Variants in PRKCB observed in about 807,000 individuals in gnomAD.
PRKCB encodes protein kinase C beta, also known as protein kinase C beta type.
Under a neutral mutation model 81.5 loss-of-function variants are expected in PRKCB, and 13 were observed. That is an observed-to-expected ratio of 0.16 (90% CI 0.10 to 0.25). PRKCB has a LOEUF of 0.25. PRKCB is among the 10% of genes least tolerant of loss of function. PRKCB has a pLI of 1.00. For missense variants in PRKCB, 509 were observed against 875.7 expected, an observed-to-expected ratio of 0.58 and a Z score of 5.29; for synonymous variants, 335 against 321.4, an observed-to-expected ratio of 1.04 and a Z score of -0.45.
chr16:24,043,073 G>A (rs1342642947), intron 5 of PRKCB, among the ~76,000 whole-genome samples: 1 of 152,126 alleles, frequency 6.6e-6, no homozygotes, highest in Non-Finnish European at 1.5e-5. Context: ...TTTGACAAAT[G>A]CATATGACTG....
At chr16:23,908,026 G>A (rs192630845) in intron 2 of PRKCB, among the ~76,000 whole-genome samples, 11 of 152,188 alleles carry the variant, frequency 7.2e-5, no homozygotes, top group African/African-American at 1.2e-4. Flanking sequence ...GTGTCTATTC[G>A]GAGATTTGGG....
At chr16:24,109,961 C>T (rs1460657748) in intron 7 of PRKCB, among the ~76,000 whole-genome samples, 8 of 126,090 alleles carry the variant, frequency 6.3e-5, no homozygotes, top group African/African-American at 1.1e-4. Context: ...TCAGGCGTGG[C>T]GGCACGAGTC....
intron 5 of PRKCB, among the ~76,000 whole-genome samples, chr16:24,037,129 C>T (rs1420345194): frequency 6.6e-6 from 1 of 152,110 alleles, no homozygotes; most frequent in Non-Finnish European, 1.5e-5. Context: ...GCTGGGATTA[C>T]AGGCGCCCAC....
chr16:24,175,148 A>G (rs1344719693), intron 12 of PRKCB, among the ~76,000 whole-genome samples: 2 of 152,056 alleles, frequency 1.3e-5, no homozygotes, highest in Non-Finnish European at 2.9e-5. Context: ...ATTGCACCCG[A>G]GGCTGCTATT....
At chr16:23,994,115 G>T (rs562094088) in intron 3 of PRKCB, among the ~76,000 whole-genome samples, 44 of 152,284 alleles carry the variant, frequency 2.9e-4, no homozygotes, top group African/African-American at 9.1e-4. Context: ...TTTTTATCAG[G>T]ATAACTGTGC....
chr16:24,215,716 T>C lies in PRKCB; in HGVS notation c.*900T>C, dbSNP rs1968217615. 1.0e-6 allele frequency: 1 copy of C among 985,684 alleles called. No individual in the cohort carries two copies. The highest frequency in any genetic ancestry group is 4.7e-5 in the South Asian group (1 of 21,278). The allele number at this position is 985,684 out of a possible 1,614,324, so 61.1% of individuals were successfully genotyped here. A position where few individuals can be genotyped will look rare whatever the true frequency, so the allele number is the denominator to read the frequency against. ...CTTTAAAATATGTATTCAAATGTTA[T>C]TAACCACAATGACGACCTGCTTTGA... On this transcript the variant is annotated 3_prime_UTR_variant, in exon 17 of 17. Transcript: ENST00000643927.
Position 24,216,989 on chromosome 16 carries a change from G to A in PRKCB, c.*2173G>A, listed in dbSNP as rs1187168581. ...GTTGGATCATGATCCCATTTTGCTTGGACATGCTCTCAGGAAGATAAAAAC... is the reference window on the plus strand; with the variant it reads ...GTTGGATCATGATCCCATTTTGCTTAGACATGCTCTCAGGAAGATAAAAAC... On this transcript the variant is annotated 3_prime_UTR_variant, in exon 17 of 17. Transcript: ENST00000643927. 12 of 985,290 alleles carry A rather than the reference G, an allele frequency of 1.2e-5. No homozygotes were observed. The highest frequency in any genetic ancestry group is 1.3e-5 in the Non-Finnish European group (11 of 829,932). 61.0% of individuals were successfully genotyped at this position (985,290 alleles called of 1,614,324 possible). A position where few individuals can be genotyped will look rare whatever the true frequency, so the allele number is the denominator to read the frequency against.
chr16:24,216,842 A>T lies in PRKCB; in HGVS notation c.*2026A>T. 3 of 985,498 alleles carry T rather than the reference A, an allele frequency of 3.0e-6. No individual in the cohort carries two copies. Among genetic ancestry groups the T allele is most frequent in the Non-Finnish European group, 3.6e-6 (3 of 829,968 alleles). The allele number at this position is 985,498 out of a possible 1,614,324, so 61.0% of individuals were successfully genotyped here. On this transcript the variant is annotated 3_prime_UTR_variant, in exon 17 of 17. Coordinates refer to ENST00000643927, the MANE Select transcript of PRKCB (RefSeq NM_002738.7). ...TCTGGAAAGAGGAAGGAATTTGCCC[A>T]AAGTCAGTCAGCTGGGATAAAAACC...
chr16:24,116,118 G>A (rs1219831832), intron 8 of PRKCB, among the ~76,000 whole-genome samples: 2 of 152,142 alleles, frequency 1.3e-5, no homozygotes, highest in African/African-American at 4.8e-5. Flanking sequence ...GAGTTCTAGG[G>A]CTCTAAATTG....
intron 2 of PRKCB, among the ~76,000 whole-genome samples, chr16:23,935,454 T>G (rs1296936257): frequency 1.3e-5 from 2 of 152,182 alleles, no homozygotes; most frequent in East Asian, 3.8e-4. Context: ...CTAATGGGCA[T>G]GCTTTGAGAA....
intron 5 of PRKCB, among the ~76,000 whole-genome samples, chr16:24,059,328 T>A (rs1046174039): frequency 6.6e-6 from 1 of 152,070 alleles, no homozygotes; most frequent in African/African-American, 2.4e-5. Flanking sequence ...CAGTCATCAG[T>A]GGAGCAAGAG....
At chr16:23,860,965 G>C (rs1158254595) in intron 2 of PRKCB, among the ~76,000 whole-genome samples, 2 of 151,950 alleles carry the variant, frequency 1.3e-5, no homozygotes, top group East Asian at 3.9e-4. Context: ...GTCTTAGTTT[G>C]GTGCTATCAT....
Position 24,180,838 on chromosome 16 carries a change from G to T in PRKCB, c.1443G>T (p.Lys481Asn). Residue 481 changes from lysine to asparagine, a missense_variant, in exon 13 of 17, where the codon AAG (lysine) becomes AAT (asparagine). Lys to Asn is a moderately conservative substitution (Grantham distance 94). This residue lies in a region of PRKCB where 106 missense variants were observed against 214.0 expected (regional missense o/e 0.50). Transcript: ENST00000643927. ...TGCTCGATTCTGAGGGACACATCAA[G>T]ATTGCCGATTTTGGCATGTGTAAGG... ...NVMLDSEGHI[K>N]IADFGMCKEN... The T allele has an allele frequency of 6.2e-7, 1 of 1,614,206 alleles. No individual in the cohort carries two copies. The highest frequency in any genetic ancestry group is 8.5e-7 in the Non-Finnish European group (1 of 1,180,028).
At chr16:24,115,100 G>A (rs1308975733) in intron 8 of PRKCB, among the ~76,000 whole-genome samples, 2 of 152,224 alleles carry the variant, frequency 1.3e-5, no homozygotes, top group Admixed American at 1.3e-4. Context: ...AGACCAGCCT[G>A]GGTAGAGCAG....
At chr16:23,911,244 C>T (rs138418413) in intron 2 of PRKCB, among the ~76,000 whole-genome samples, 223 of 145,222 alleles carry the variant, frequency 1.5e-3, no homozygotes, top group Middle Eastern at 3.6e-3. Flanking sequence ...TCTTCCACCT[C>T]AGCTTCCCAG....
intron 2 of PRKCB, among the ~76,000 whole-genome samples, chr16:23,872,903 C>A (rs1962929356): frequency 6.6e-6 from 1 of 151,688 alleles, no homozygotes; most frequent in Non-Finnish European, 1.5e-5. Context: ...CTTGGCCCGG[C>A]GTGGTGTCTC....
chr16:23,935,081 T>C (rs184094218), intron 2 of PRKCB, among the ~76,000 whole-genome samples: 12 of 152,232 alleles, frequency 7.9e-5, no homozygotes, highest in African/African-American at 2.2e-4. Context: ...ACCCGGATGA[T>C]GGGCTTAATA....
At chr16:23,839,279 C>CTTTT (rs10657212) in intron 2 of PRKCB, among the ~76,000 whole-genome samples, 6,352 of 137,072 alleles carry the variant, frequency 0.046, 307 homozygotes, top group Non-Finnish European at 0.052. Flanking sequence ...ATAGGAGTGT[C>CTTTT]TTTTTTTTTT....
rs1039158161 is a variant in PRKCB at position 24,218,829 on chromosome 16, G to A, written c.*4013G>A. On this transcript the variant is annotated 3_prime_UTR_variant, in exon 17 of 17. Coordinates refer to ENST00000643927, the MANE Select transcript of PRKCB (RefSeq NM_002738.7). ...TAGGGAATACAAGGCCTTCTTCCCT[G>A]GTTGTCTTGTAATAAAACAGCCATG... is the stretch of plus-strand genomic sequence containing the variant. 2.0e-6 allele frequency: 2 copies of A among 985,434 alleles called. No homozygotes were observed. The highest frequency in any genetic ancestry group is 2.4e-6 in the Non-Finnish European group (2 of 829,952). 61.0% of individuals were successfully genotyped at this position (985,434 alleles called of 1,614,324 possible).
Sources: allele counts gnomAD v4.1 joint callset (sites outside exome capture counted in the v4.1 genomes callset), GRCh38; gene constraint gnomAD v4.1.1; regional missense constraint gnomAD v4.1.1; transcripts MANE v1.5; gene names NCBI Gene and HGNC (gene_info 2026-07-23, HGNC 2026-07-21).